The following AFG2A variants were observed in gnomAD, a reference collection of about 807,000 sequenced individuals.
AFG2A encodes the protein AAA ATPase AFG2A.
chr4:123,028,132 A>AGTTTTTTTTTT, the AFG2A span: 1 of 1,389,912 alleles, frequency 7.2e-7, no homozygotes, highest in East Asian at 2.3e-5. Flanking sequence ...ATTTTTTTTT[A>AGTTTTTTTTTT]GTTCTCTGTT....
At chr4:123,280,773 T>C in the AFG2A span, among the ~76,000 whole-genome samples, 2 of 152,212 alleles carry the variant, frequency 1.3e-5, no homozygotes, top group Non-Finnish European at 2.9e-5. Flanking sequence ...TGATTAGCAA[T>C]TTTAATTCCA....
the AFG2A span, among the ~76,000 whole-genome samples, chr4:123,263,551 T>C: frequency 6.6e-6 from 1 of 152,046 alleles, no homozygotes; most frequent in Non-Finnish European, 1.5e-5. Context: ...TAAAAATAAA[T>C]TGGGACTATT....
chr4:123,084,000 G>A, the AFG2A span, among the ~76,000 whole-genome samples: 8,196 of 152,090 alleles, frequency 0.054, 702 homozygotes, highest in African/African-American at 0.18. Context: ...ACTGACACAG[G>A]CCTATTCAAT....
chr4:123,096,226 T>G, the AFG2A span, among the ~76,000 whole-genome samples: 50 of 147,126 alleles, frequency 3.4e-4, no homozygotes, highest in Middle Eastern at 3.4e-3. Context: ...TTGAGTCCTC[T>G]AGTGTTCATT....
At chr4:122,981,101 T>C in the AFG2A span, among the ~76,000 whole-genome samples, 1 of 152,202 alleles carries the variant, frequency 6.6e-6, no homozygotes, top group African/African-American at 2.4e-5. Context: ...CTTTTCCTTA[T>C]GTTTTCTTCT....
At chr4:123,108,866 A>AT in the AFG2A span, among the ~76,000 whole-genome samples, 21 of 151,366 alleles carry the variant, frequency 1.4e-4, no homozygotes, top group Admixed American at 4.0e-4. Context: ...GGCTTAACGC[A>AT]TTTTTTTTTA....
the AFG2A span, among the ~76,000 whole-genome samples, chr4:122,979,925 A>G: frequency 5.9e-5 from 9 of 152,198 alleles, no homozygotes; most frequent in East Asian, 1.7e-3. Context: ...CACCCAAAAA[A>G]CTATATTACA....
the AFG2A span, among the ~76,000 whole-genome samples, chr4:123,234,681 T>C: frequency 6.6e-6 from 1 of 152,140 alleles, no homozygotes; most frequent in Non-Finnish European, 1.5e-5. Context: ...TACAAATTAT[T>C]CTTATCCCCA....
the AFG2A span, among the ~76,000 whole-genome samples, chr4:123,098,560 TTC>T: frequency 6.6e-6 from 1 of 151,986 alleles, no homozygotes; most frequent in South Asian, 2.1e-4. Context: ...CCATTCTACT[TTC>T]TGCTTTTGTG....
chr4:123,253,334 A>G, the AFG2A span, among the ~76,000 whole-genome samples: 15,370 of 152,172 alleles, frequency 0.1, 879 homozygotes, highest in Middle Eastern at 0.17. Flanking sequence ...AATACAAAAA[A>G]TTAGCCAGGC....
At chr4:123,293,841 C>G in the AFG2A span, among the ~76,000 whole-genome samples, 1 of 152,200 alleles carries the variant, frequency 6.6e-6, no homozygotes, top group East Asian at 1.9e-4. Flanking sequence ...CCTACCCTTT[C>G]CAAAGATTAC....
chr4:122,964,275 G>A, the AFG2A span, among the ~76,000 whole-genome samples: 3 of 151,886 alleles, frequency 2.0e-5, no homozygotes, highest in South Asian at 4.2e-4. Flanking sequence ...AGGCTGAGGC[G>A]GGTGGACCAC....
the AFG2A span, among the ~76,000 whole-genome samples, chr4:123,295,531 G>A: frequency 0.022 from 3,402 of 152,296 alleles, 123 homozygotes; most frequent in African/African-American, 0.076. Context: ...CTATATAGCC[G>A]TGAAGTTGTT....
the AFG2A span, chr4:123,317,859 A>T: frequency 6.6e-6 from 1 of 152,330 alleles, no homozygotes; most frequent in Admixed American, 6.5e-5. Flanking sequence ...ATATGTGTTT[A>T]TGGGGGCATA....
At chr4:122,984,812 G>T in the AFG2A span, among the ~76,000 whole-genome samples, 65,196 of 152,038 alleles carry the variant, frequency 0.43, 16,908 homozygotes, top group Non-Finnish European at 0.57. Context: ...ACTTGATCAT[G>T]GTGGATTATC....
At chr4:123,294,654 A>G in the AFG2A span, among the ~76,000 whole-genome samples, 1 of 152,196 alleles carries the variant, frequency 6.6e-6, no homozygotes, top group Non-Finnish European at 1.5e-5. Flanking sequence ...CTGAGTTAGT[A>G]GGGCAGGCAG....
At chr4:123,284,586 G>A in the AFG2A span, among the ~76,000 whole-genome samples, 2 of 152,130 alleles carry the variant, frequency 1.3e-5, no homozygotes, top group South Asian at 4.1e-4. Flanking sequence ...GAATACAAAG[G>A]AAAATTATTT....
the AFG2A span, among the ~76,000 whole-genome samples, chr4:122,977,721 G>A: frequency 6.6e-6 from 1 of 152,172 alleles, no homozygotes; most frequent in Admixed American, 6.5e-5. Flanking sequence ...CAGCCTTTAG[G>A]AAGAATGAGG....
chr4:123,090,842 T>C, the AFG2A span: 5 of 1,194,850 alleles, frequency 4.2e-6, no homozygotes, highest in African/African-American at 6.1e-5. Flanking sequence ...GCAGGTTCAC[T>C]GTGGACTGGT....
Sources: allele counts gnomAD v4.1 joint callset (sites outside exome capture counted in the v4.1 genomes callset), GRCh38; gene constraint gnomAD v4.1.1; transcripts MANE v1.5; gene names NCBI Gene and HGNC (gene_info 2026-07-23, HGNC 2026-07-21).